CDK14: variants seen among roughly 807,000 people sequenced by gnomAD.
CDK14 encodes cyclin dependent kinase 14, also known as cyclin-dependent kinase 14.
A neutral mutation model predicts 60.7 loss-of-function variants in CDK14; 34 were observed. The ratio of observed to expected loss-of-function variants is 0.56; its 90% CI spans 0.43 to 0.75. CDK14 has a LOEUF of 0.75. Ranked by LOEUF, CDK14 falls within the 30% of genes least tolerant of loss-of-function variation. The pLI is 0.00. For missense variants in CDK14, 482 were observed against 564.1 expected, an observed-to-expected ratio of 0.85 and a Z score of 1.47; for synonymous variants, 197 against 203.7, an observed-to-expected ratio of 0.97 and a Z score of 0.28.
chr7:91,196,286 C>T (rs947921665), intron 14 of CDK14, among the ~76,000 whole-genome samples: 4 of 143,082 alleles, frequency 2.8e-5, no homozygotes, highest in African/African-American at 9.8e-5. Context: ...TCAAGAGTGG[C>T]TGTGTTTAAC....
At chr7:90,975,384 G>GTACA (rs1217502853) in intron 9 of CDK14, among the ~76,000 whole-genome samples, 7 of 151,300 alleles carry the variant, frequency 4.6e-5, no homozygotes, top group African/African-American at 1.7e-4. Context: ...TTTTCATTGG[G>GTACA]TACATAGTGA....
intron 12 of CDK14, 121 bp from the exon 13 acceptor site, chr7:91,112,421 C>T: frequency 9.7e-7 from 1 of 1,028,340 alleles, no homozygotes; most frequent in Non-Finnish European, 1.4e-6. Context: ...TTTATTTCAG[C>T]AGGTAATTTG....
chr7:91,201,650 T>C (rs1296825024), intron 14 of CDK14, among the ~76,000 whole-genome samples: 3 of 151,920 alleles, frequency 2.0e-5, no homozygotes, highest in Non-Finnish European at 4.4e-5. Context: ...TCCTCAGCGA[T>C]GTTGTCCCTC....
chr7:90,879,865 C>T (rs1584079770), intron 6 of CDK14, among the ~76,000 whole-genome samples: 2 of 151,378 alleles, frequency 1.3e-5, no homozygotes, highest in South Asian at 2.1e-4. Flanking sequence ...GAAAGCAACA[C>T]GGGAAAGGGG....
At chr7:90,890,681 G>A (rs1481413341) in intron 6 of CDK14, among the ~76,000 whole-genome samples, 1 of 152,192 alleles carries the variant, frequency 6.6e-6, no homozygotes. Flanking sequence ...TATAAGAGCA[G>A]TTTGAACCTA....
intron 14 of CDK14, among the ~76,000 whole-genome samples, chr7:91,134,632 G>A (rs2115565230): frequency 6.6e-6 from 1 of 152,254 alleles, no homozygotes; most frequent in East Asian, 1.9e-4. Flanking sequence ...CCAGCAATTT[G>A]GGAGGCCAAG....
intron 5 of CDK14, among the ~76,000 whole-genome samples, chr7:90,818,514 C>G (rs751281713): frequency 1.3e-5 from 2 of 152,310 alleles, no homozygotes; most frequent in Non-Finnish European, 2.9e-5. Context: ...AACTATACTT[C>G]TGGATACTTC....
intron 2 of CDK14, among the ~76,000 whole-genome samples, chr7:90,714,183 T>C (rs1207689631): frequency 6.6e-6 from 1 of 152,088 alleles, no homozygotes; most frequent in African/African-American, 2.4e-5. Context: ...CTGTTTATCA[T>C]CTGGCAGACT....
At chr7:91,041,563 GC>G (rs1283453847) in intron 10 of CDK14, among the ~76,000 whole-genome samples, 5 of 152,078 alleles carry the variant, frequency 3.3e-5, no homozygotes, top group African/African-American at 1.2e-4. Flanking sequence ...GACTCACTAT[GC>G]ACACACACAA....
At chr7:91,090,377 C>G (rs1476261313) in intron 12 of CDK14, among the ~76,000 whole-genome samples, 1 of 152,186 alleles carries the variant, frequency 6.6e-6, no homozygotes, top group Non-Finnish European at 1.5e-5. Context: ...TGTTCGCTAT[C>G]TTCACTTTCC....
At chr7:90,689,808 G>A (rs1353187582) in intron 2 of CDK14, among the ~76,000 whole-genome samples, 1 of 152,052 alleles carries the variant, frequency 6.6e-6, no homozygotes, top group Admixed American at 6.6e-5. Context: ...ATACTTTGAA[G>A]ACATAAAACA....
intron 12 of CDK14, among the ~76,000 whole-genome samples, chr7:91,102,781 G>A (rs6953338): frequency 2.4e-3 from 369 of 151,438 alleles, no homozygotes; most frequent in Non-Finnish European, 4.4e-3. Flanking sequence ...GTTTGAAGAG[G>A]TTCTTTAAGG....
At chr7:91,055,902 C>G (rs566926896) in intron 11 of CDK14, among the ~76,000 whole-genome samples, 2 of 152,278 alleles carry the variant, frequency 1.3e-5, no homozygotes, top group East Asian at 3.9e-4. Flanking sequence ...TTTCCATAAA[C>G]TGGCCGTACA....
intron 5 of CDK14, among the ~76,000 whole-genome samples, chr7:90,839,299 G>T (rs1790212970): frequency 6.6e-6 from 1 of 152,196 alleles, no homozygotes; most frequent in African/African-American, 2.4e-5. Context: ...TAATAGTGTA[G>T]AATTGAGACT....
At chr7:91,076,242 C>CAAAAAAAAAAAAAAAAAAAA (rs564729987) in intron 11 of CDK14, among the ~76,000 whole-genome samples, 4 of 28,758 alleles carry the variant, frequency 1.4e-4, no homozygotes, top group Non-Finnish European at 2.1e-4. Flanking sequence ...CTACAGTAAC[C>CAAAAAAAAAAAAAAAAAAAA]AAAAAAAAAA....
intron 1 of CDK14, among the ~76,000 whole-genome samples, chr7:90,599,724 C>T (rs13234217): frequency 0.45 from 67,539 of 151,528 alleles, 15,509 homozygotes; most frequent in Non-Finnish European, 0.51. Context: ...TCTCTTTAAC[C>T]AATCTAAGCT....
At chr7:91,190,608 G>C (rs1034043549) in intron 14 of CDK14, among the ~76,000 whole-genome samples, 1 of 152,172 alleles carries the variant, frequency 6.6e-6, no homozygotes. Flanking sequence ...TCATGCCTCA[G>C]CTTCCTGAGT....
chr7:90,828,655 T>C (rs1351045447), intron 5 of CDK14, among the ~76,000 whole-genome samples: 2 of 152,202 alleles, frequency 1.3e-5, no homozygotes, highest in East Asian at 1.9e-4. Flanking sequence ...TATGTCTGAC[T>C]GAGTTTCCTG....
chr7:90,751,258 A>G (rs11489571), intron 4 of CDK14, among the ~76,000 whole-genome samples: 27,943 of 152,088 alleles, frequency 0.18, 2,695 homozygotes, highest in South Asian at 0.24. Flanking sequence ...ATGCTAAAGA[A>G]AAAATGTTAG....
Sources: gnomAD v4.1 joint callset for allele counts (sites outside exome capture counted in the v4.1 genomes callset) on GRCh38, gnomAD v4.1.1 for gene constraint, MANE v1.5 for transcripts, NCBI Gene and HGNC (gene_info 2026-07-23, HGNC 2026-07-21) for gene names.